The following POU2AF1 variants were observed in gnomAD, a reference collection of about 807,000 sequenced individuals.
The protein encoded by POU2AF1 is POU domain class 2-associating factor 1.
POU2AF1 carries 12 observed loss-of-function variants against 26.3 expected under a neutral mutation model. The ratio of observed to expected loss-of-function variants is 0.46; its 90% confidence interval spans 0.29 to 0.74. The LOEUF (loss-of-function observed/expected upper bound fraction) is 0.74. Among genes scored for constraint, POU2AF1 ranks in the 30% least tolerant of loss-of-function variants. POU2AF1 has a pLI of 0.09. For synonymous variants in POU2AF1, 175 were observed against 148.0 expected (o/e 1.18, Z -1.32); for missense variants, 297 against 334.5 (o/e 0.89, Z 0.87).
intron 1 of POU2AF1, among the ~76,000 whole-genome samples, chr11:111,377,148 G>A (rs771334125): frequency 1.3e-5 from 2 of 150,934 alleles, no homozygotes; most frequent in Non-Finnish European, 2.9e-5. Flanking sequence ...AAAGCGGGTG[G>A]ATCACTTGAG....
chr11:111,357,681 C>T lies in POU2AF1; in HGVS notation c.220G>A (p.Val74Met), dbSNP rs373552247. 1 of 1,613,070 alleles carries T rather than the reference C, an allele frequency of 6.2e-7. No individual in the cohort carries two copies. The highest frequency in any genetic ancestry group is 8.5e-7 in the Non-Finnish European group (1 of 1,179,514). Reference protein sequence around the residue: ...GPSCLDMEGSVSAVTEEAALC... With the variant: ...GPSCLDMEGSMSAVTEEAALC... ...GCAGCCTCCTCTGTCACTGCAGACA[C>T]AGAACCTTCCATGTCCAGGCAGGAA... Residue 74 changes from valine to methionine, a missense_variant, in exon 4 of 5, where the codon GTG becomes ATG. By Grantham distance (21) the Val-to-Met change is conservative. Transcript: ENST00000393067.
intron 1 of POU2AF1, among the ~76,000 whole-genome samples, chr11:111,362,749 G>A (rs143949511): frequency 1.3e-5 from 2 of 149,908 alleles, no homozygotes; most frequent in East Asian, 3.9e-4. Flanking sequence ...GAGAAATTTG[G>A]GAAATGGGGT....
At chr11:111,361,541 C>T (rs955205974) in intron 1 of POU2AF1, among the ~76,000 whole-genome samples, 10 of 152,208 alleles carry the variant, frequency 6.6e-5, no homozygotes, top group African/African-American at 2.2e-4. Flanking sequence ...GCTCCAAAGG[C>T]CATGTCTGGC....
Position 111,352,908 on chromosome 11 carries a change from G to C in POU2AF1, c.*1353C>G, listed in dbSNP as rs1043529298. ...AGATCGCACCATTGTACTCCAGCCT[G>C]GGCAATGGAGTGAGACTCCGTCCCA... is the stretch of plus-strand genomic sequence containing the variant. On this transcript the variant is annotated 3_prime_UTR_variant, in exon 5 of 5. Transcript: ENST00000393067. 4 of 177,622 alleles carry C rather than the reference G, an allele frequency of 2.3e-5. No homozygotes were observed. The highest frequency in any genetic ancestry group is 9.5e-5 in the African/African-American group (4 of 42,086). The allele number at this position is 177,622 out of a possible 1,614,324, so 11.0% of individuals were successfully genotyped here.
chr11:111,354,376 T>G lies in POU2AF1; in HGVS notation c.656A>C (p.Asp219Ala). 1.2e-6 allele frequency: 2 copies of G among 1,614,118 alleles called. No homozygotes were observed. The highest frequency in any genetic ancestry group is 1.7e-6 in the Non-Finnish European group (2 of 1,179,982). The change falls in exon 5 of 5, where the codon GAC (aspartate) becomes GCC (alanine). Residue 219 changes from aspartate to alanine, a missense_variant. By Grantham distance (126) the Asp-to-Ala change is moderately radical. Coordinates refer to ENST00000393067, the MANE Select transcript of POU2AF1 (RefSeq NM_006235.3). ...GGCGGCTCTTCTGGGGTCTTCCATG[T>G]CCTGAAGGACTGGCTCTGGGATAGA... ...PISIPEPVLQ[D>A]MEDPRRAASS...
Position 111,376,623 on chromosome 11 carries a change from A to T in POU2AF1, c.16+2539T>A, listed in dbSNP as rs1309644408. ...ATGGGCTAGGTAGGGAGGAGGTAACATTCACAAAGTGAATGTTTTCTTAAC... is the reference window on the plus strand; with the variant it reads ...ATGGGCTAGGTAGGGAGGAGGTAACTTTCACAAAGTGAATGTTTTCTTAAC... On this transcript the variant is annotated intron_variant, in intron 1 of 4. Coordinates refer to ENST00000393067, the MANE Select transcript of POU2AF1 (RefSeq NM_006235.3). Among the ~76,000 whole-genome samples, 4 of 152,204 alleles carry T rather than the reference A, an allele frequency of 2.6e-5. 1 individual carries two copies. Among genetic ancestry groups the T allele is most frequent in the Admixed American group, 2.6e-4 (4 of 15,280 alleles).
chr11:111,355,454 T>C (rs1860825163), intron 4 of POU2AF1, among the ~76,000 whole-genome samples: 1 of 152,210 alleles, frequency 6.6e-6, no homozygotes. Flanking sequence ...GAGGATGCTC[T>C]CTGCATGGAT....
intron 1 of POU2AF1, among the ~76,000 whole-genome samples, chr11:111,368,773 C>T (rs1031365001): frequency 3.3e-5 from 5 of 152,212 alleles, no homozygotes; most frequent in African/African-American, 1.2e-4. Flanking sequence ...CCATTGTGTG[C>T]CTCAGTTTCC....
At chr11:111,368,810 T>C (rs1009089404) in intron 1 of POU2AF1, among the ~76,000 whole-genome samples, 7 of 152,140 alleles carry the variant, frequency 4.6e-5, no homozygotes, top group Non-Finnish European at 7.4e-5. Context: ...AGTAATAATA[T>C]CCATCTCAAA....
rs910387990 is a variant in POU2AF1 at position 111,353,256 on chromosome 11, T to C, written c.*1005A>G. On this transcript the variant is annotated 3_prime_UTR_variant, in exon 5 of 5. Transcript: ENST00000393067. ...TCAAGGAGAGCAGCAAAACCATCTC[T>C]TCAAGCAATGCTTTCCTTTAGTTTA... 8.6e-6 allele frequency: 2 copies of C among 233,206 alleles called. No homozygotes were observed. The highest frequency in any genetic ancestry group is 4.4e-5 in the African/African-American group (2 of 45,332). The allele number at this position is 233,206 out of a possible 1,614,324, so 14.4% of individuals were successfully genotyped here. A position where few individuals can be genotyped will look rare whatever the true frequency, so the allele number is the denominator to read the frequency against.
chr11:111,357,781 C>G lies in POU2AF1; in HGVS notation c.190+14G>C. 1 of 1,612,882 alleles carries G rather than the reference C, an allele frequency of 6.2e-7. No individual in the cohort carries two copies. ...AGAGGCCTGGGGGCCACCAGGGCTA[C>G]GGGGCACTCTTACCCACTGTGGTGT... On this transcript the variant is annotated intron_variant, in intron 3 of 4. Coordinates refer to ENST00000393067, the MANE Select transcript of POU2AF1 (RefSeq NM_006235.3).
At chr11:111,376,120 G>A (rs1025201793) in intron 1 of POU2AF1, among the ~76,000 whole-genome samples, 6 of 152,148 alleles carry the variant, frequency 3.9e-5, no homozygotes, top group East Asian at 1.9e-4. Context: ...TTTCCAGGAC[G>A]GAAGGTACTA....
At chr11:111,358,405 C>T (rs1187572319) in intron 2 of POU2AF1, among the ~76,000 whole-genome samples, 4 of 33,906 alleles carry the variant, frequency 1.2e-4, no homozygotes, top group African/African-American at 3.3e-4. Flanking sequence ...CACACACATA[C>T]TCTCTCACAC....
rs757806362 is a variant in POU2AF1, at chr11:111,354,336, G to A, written c.696C>T (p.Ile232=). The A allele has an allele frequency of 2.9e-5, 47 of 1,614,112 alleles. No individual in the cohort carries two copies. The highest frequency in any genetic ancestry group is 2.0e-4 in the South Asian group (18 of 91,078). Residue 232 remains isoleucine, a synonymous_variant, in exon 5 of 5, where the codon ATC becomes ATT. Transcript: ENST00000393067. ...DPRRAASSLT[I]DKLLLEEEDS... is the part of the protein sequence containing the mutation. ...CCTCTTCCTCCAAAAGCAGCTTGTC[G>A]ATGGTCAACGAGCTGGCGGCTCTTC...
chr11:111,360,035 T>C (rs763473538), intron 1 of POU2AF1: 2 of 518,950 alleles, frequency 3.9e-6, no homozygotes, highest in Non-Finnish European at 7.7e-6. Context: ...TTCCTTCCCC[T>C]CTTGCCATCA....
intron 1 of POU2AF1, chr11:111,363,400 AG>A: frequency 9.8e-7 from 1 of 1,016,872 alleles, no homozygotes; most frequent in African/African-American, 1.7e-5. Context: ...TGTTTTTGCA[AG>A]TTGAAACTTG....
At chr11:111,357,888 G>T (rs779410130) in intron 2 of POU2AF1, 51 bp from the exon 3 acceptor site, 1 of 1,528,198 alleles carries the variant, frequency 6.5e-7, no homozygotes, top group South Asian at 1.3e-5. Flanking sequence ...TCGTCAACCG[G>T]CCCTGTGCAG....
chr11:111,364,394 T>A (rs967990397), intron 1 of POU2AF1: 1 of 152,236 alleles, frequency 6.6e-6, no homozygotes, highest in Admixed American at 6.5e-5. Context: ...TGCAAAATTG[T>A]CAGCACTTGT....
At chr11:111,371,663 G>T (rs901338412) in intron 1 of POU2AF1, among the ~76,000 whole-genome samples, 2 of 152,006 alleles carry the variant, frequency 1.3e-5, no homozygotes, top group Non-Finnish European at 2.9e-5. Context: ...AAAATTAGCC[G>T]GCATAACCTT....
Sources: allele counts gnomAD v4.1 joint callset (sites outside exome capture counted in the v4.1 genomes callset), GRCh38; gene constraint gnomAD v4.1.1; transcripts MANE v1.5; gene names NCBI Gene and HGNC (gene_info 2026-07-23, HGNC 2026-07-21).